TBC1D30: variants seen among roughly 807,000 people sequenced by gnomAD.
TBC1D30 encodes TBC1 domain family, member 30.
TBC1D30 carries 31 observed loss-of-function variants against 63.2 expected under a neutral mutation model. That is an observed-to-expected ratio of 0.49 (90% CI 0.37 to 0.66). The LOEUF is 0.66. TBC1D30 is among the 30% of genes least tolerant of loss of function. The probability of loss-of-function intolerance (pLI) is 0.00; values close to 1 mark genes in which losing one functional copy is unlikely to be tolerated. For synonymous variants in TBC1D30, 307 were observed against 361.5 expected (o/e 0.85, Z 1.71); for missense variants, 810 against 953.6 (o/e 0.85, Z 1.98).
chr12:64,775,104 A>ATATATAT (rs200672895), intron 1 of TBC1D30, among the ~76,000 whole-genome samples: 3 of 147,962 alleles, frequency 2.0e-5, no homozygotes, highest in African/African-American at 7.4e-5. Flanking sequence ...AAAAAAAAAA[A>ATATATAT]ATATATATAT....
chr12:64,853,368 TTCAGACTGC>T (rs773712310), intron 8 of TBC1D30, among the ~76,000 whole-genome samples: 9 of 152,204 alleles, frequency 5.9e-5, no homozygotes, highest in Admixed American at 2.0e-4. Flanking sequence ...CCAGGTTGAC[TTCAGACTGC>T]TGTGCTGGCA....
At chr12:64,816,391 C>T (rs1021193182) in intron 2 of TBC1D30, among the ~76,000 whole-genome samples, 4 of 152,172 alleles carry the variant, frequency 2.6e-5, no homozygotes, top group Non-Finnish European at 5.9e-5. Flanking sequence ...ATATTCTTAA[C>T]GAGGACTGAC....
intron 2 of TBC1D30, chr12:64,818,497 T>C: frequency 4.3e-6 from 3 of 703,340 alleles, no homozygotes; most frequent in Non-Finnish European, 5.2e-6. Context: ...TGGAATGCAG[T>C]GGCGCAATCC....
intron 2 of TBC1D30, among the ~76,000 whole-genome samples, chr12:64,806,144 T>C (rs190206889): frequency 1.3e-5 from 2 of 152,366 alleles, no homozygotes; most frequent in Admixed American, 1.3e-4. Context: ...TCAGCATCCA[T>C]TGACATCTGT....
At chr12:64,807,193 C>T (rs1253704907) in intron 2 of TBC1D30, among the ~76,000 whole-genome samples, 2 of 152,182 alleles carry the variant, frequency 1.3e-5, no homozygotes, top group Admixed American at 6.5e-5. Context: ...TCACAAGATC[C>T]GATGGCTTTA....
intron 2 of TBC1D30, among the ~76,000 whole-genome samples, chr12:64,798,894 GCTCCGC>G (rs1482663944): frequency 4.1e-5 from 6 of 147,566 alleles, no homozygotes; most frequent in Non-Finnish European, 8.9e-5. Flanking sequence ...CTCACTGCAA[GCTCCGC>G]CTCCCTGGTT....
chr12:64,872,317 C>T (rs577213618), intron 11 of TBC1D30, among the ~76,000 whole-genome samples: 5 of 152,310 alleles, frequency 3.3e-5, no homozygotes, highest in Admixed American at 2.0e-4. Context: ...AGTGGGCCAC[C>T]GCACCTGGCC....
intron 8 of TBC1D30, among the ~76,000 whole-genome samples, chr12:64,844,643 C>T (rs1361489373): frequency 6.6e-6 from 1 of 152,218 alleles, no homozygotes; most frequent in East Asian, 1.9e-4. Context: ...ACTTTTTGTA[C>T]CCACTAACTA....
chr12:64,768,039 A>G (rs567613030), intron 1 of TBC1D30, among the ~76,000 whole-genome samples: 8 of 152,292 alleles, frequency 5.3e-5, no homozygotes, highest in Middle Eastern at 3.4e-3. Flanking sequence ...GCCAGCTTTG[A>G]TGGGGACTGG....
At chr12:64,793,365 G>C (rs1294589900) in intron 2 of TBC1D30, among the ~76,000 whole-genome samples, 2 of 151,642 alleles carry the variant, frequency 1.3e-5, no homozygotes. Context: ...ATAAAAATAG[G>C]CAGGGCGCAA....
exon 1 of TBC1D30, chr12:64,780,836 C>G (rs1871230781): frequency 1.0e-6 from 1 of 997,044 alleles, no homozygotes; most frequent in Admixed American, 6.1e-5. Flanking sequence ...CGGCGGGGGC[C>G]GCCCGGGGCT....
At chr12:64,822,517 T>C (rs1170653550), upstream of TBC1D30, among the ~76,000 whole-genome samples, 1 of 150,754 alleles carries the variant, frequency 6.6e-6, no homozygotes, top group Non-Finnish European at 1.5e-5. Flanking sequence ...TTTTTACTTC[T>C]GAGGCAGGGT....
chr12:64,823,045 GA>G (rs951056644), upstream of TBC1D30, among the ~76,000 whole-genome samples: 4 of 148,494 alleles, frequency 2.7e-5, no homozygotes, highest in African/African-American at 2.5e-5. Flanking sequence ...TTTTTGAAAA[GA>G]AAAAAAAATG....
exon 1 of TBC1D30, chr12:64,759,533 C>T (rs2136260204): frequency 2.3e-6 from 1 of 442,412 alleles, no homozygotes; most frequent in Non-Finnish European, 4.0e-6. Context: ...CAGGCAGTGG[C>T]GGAAAAGGGG....
intron 1 of TBC1D30, among the ~76,000 whole-genome samples, chr12:64,763,685 T>C (rs1870602925): frequency 6.6e-6 from 1 of 151,452 alleles, no homozygotes; most frequent in South Asian, 2.1e-4. Flanking sequence ...CTCGGCTCAC[T>C]ACAACCTCCA....
At chr12:64,831,906 C>T (rs1468133613) in intron 4 of TBC1D30, among the ~76,000 whole-genome samples, 1 of 152,080 alleles carries the variant, frequency 6.6e-6, no homozygotes, top group Non-Finnish European at 1.5e-5. Context: ...GACTGAAATT[C>T]CCCTTGCAAA....
At chr12:64,779,197 A>T (rs1446318334), upstream of TBC1D30, 4 of 152,112 alleles carry the variant, frequency 2.6e-5, no homozygotes, top group Non-Finnish European at 5.9e-5. Flanking sequence ...GAAGCCAATT[A>T]AAAAAATAGG....
chr12:64,780,727 G>A lies in TBC1D30; in HGVS notation c.-82G>A, dbSNP rs887241056. On this transcript the variant is annotated 5_prime_UTR_variant, in exon 1 of 13. Transcript: ENST00000542120. Reference sequence around the variant, plus strand: ...CCGGGAGGGCACCACCGGCGAGGACGAAGCCGCGCCTCCTCCCGGAACTGG... The same window carrying A: ...CCGGGAGGGCACCACCGGCGAGGACAAAGCCGCGCCTCCTCCCGGAACTGG... The A allele has an allele frequency of 2.0e-5, 20 of 982,680 alleles. No homozygotes were observed. The African/African-American group carries it at 3.2e-4, about 15-fold the overall frequency. 60.9% of individuals were successfully genotyped at this position (982,680 alleles called of 1,614,324 possible). A position where few individuals can be genotyped will look rare whatever the true frequency, so the allele number is the denominator to read the frequency against.
intron 8 of TBC1D30, among the ~76,000 whole-genome samples, chr12:64,862,282 C>T (rs756213866): frequency 4.0e-4 from 61 of 152,092 alleles, no homozygotes; most frequent in Non-Finnish European, 5.9e-4. Flanking sequence ...GATAAACATG[C>T]CTTCAGATGT....
Sources: gnomAD v4.1 joint callset for allele counts (sites outside exome capture counted in the v4.1 genomes callset) on GRCh38, gnomAD v4.1.1 for gene constraint, MANE v1.5 for transcripts, NCBI Gene and HGNC (gene_info 2026-07-23, HGNC 2026-07-21) for gene names.